The following H3-4 variants were observed in gnomAD, a reference collection of about 807,000 sequenced individuals.
The protein encoded by H3-4 is H3.4 histone, cluster member, also known as histone H3.1t.
In H3-4, 6 loss-of-function variants were observed where a neutral mutation model predicts 3.8. The observed-to-expected ratio is 1.59, with a 90% CI of 0.87 to 3.13. H3-4 has a LOEUF of 3.13. Among genes scored for constraint, H3-4 ranks in the 30% most tolerant of loss-of-function variants. H3-4 has a pLI of 0.00. For missense variants in H3-4, 298 were observed against 202.4 expected (o/e 1.47, Z -2.87); for synonymous variants, 138 against 86.5 (o/e 1.60, Z -3.30).
chr1:228,425,166 G>A lies in H3-4; in HGVS notation c.160C>T (p.Arg54Cys). 2 of 1,613,894 alleles carry A rather than the reference G, an allele frequency of 1.2e-6. No individual in the cohort carries two copies. The highest frequency in any genetic ancestry group is 1.7e-6 in the Non-Finnish European group (2 of 1,179,798). ...AGCAGCTCAGTGGACTTCTGGTAGC[G>A]GCGGATCTCGCGAAGCGCCACCGTG... ...PGTVALREIR[R>C]YQKSTELLIR... The change falls in exon 1 of 1, where the codon CGC (arginine) becomes TGC (cysteine). Residue 54 changes from arginine to cysteine, a missense_variant. Transcript: ENST00000366696.
rs371619267 is a variant in H3-4, at chr1:228,425,020, C to T, written c.306G>A (p.Val102=). The part of the protein sequence containing the change: ...ALQEACESYL[V]GLFEDTNLCV... ...ACAGGTTGGTGTCCTCAAACAGCCCCACCAGGTAAGACTCGCACGCCTCCT... is the reference window on the plus strand; with the variant it reads ...ACAGGTTGGTGTCCTCAAACAGCCCTACCAGGTAAGACTCGCACGCCTCCT... Residue 102 remains valine, a synonymous_variant, in exon 1 of 1, where the codon GTG becomes GTA. Transcript: ENST00000366696. 4 of 1,614,150 alleles carry T rather than the reference C, an allele frequency of 2.5e-6. No individual in the cohort carries two copies. The African/African-American group carries it at 5.3e-5, about 22-fold the overall frequency.
At position 228,425,027 on chromosome 1, in the gene H3-4, T is replaced by A; in HGVS notation, c.299A>T (p.Tyr100Phe). The change falls in exon 1 of 1, where the codon TAC (tyrosine) becomes TTC (phenylalanine). Residue 100 changes from tyrosine (Y) to phenylalanine (F), a missense_variant. Physicochemically the swap from Tyr to Phe is conservative, Grantham distance 22. Transcript: ENST00000366696. ...VMALQEACES[Y>F]LVGLFEDTNL... ...GGTGTCCTCAAACAGCCCCACCAGG[T>A]AAGACTCGCACGCCTCCTGCAGCGC... 6.2e-7 allele frequency: 1 copy of A among 1,614,232 alleles called. No homozygotes were observed. The highest frequency in any genetic ancestry group is 8.5e-7 in the Non-Finnish European group (1 of 1,180,036).
rs759975640 is a variant in H3-4, at chr1:228,425,322, C to A, written c.4G>T (p.Ala2Ser). 3 of 1,613,898 alleles carry A rather than the reference C, an allele frequency of 1.9e-6. No homozygotes were observed. Among genetic ancestry groups the A allele is most frequent in the Admixed American group, 3.3e-5 (2 of 60,014 alleles). Reference sequence around the variant, plus strand: ...TTGCGCGCAGTCTGCTTGGTTCGGGCCATGAATCCGAAACTGTTGGCCCCG... The same window carrying A: ...TTGCGCGCAGTCTGCTTGGTTCGGGACATGAATCCGAAACTGTTGGCCCCG... MARTKQTARKST... is the reference protein window; with the variant it reads MSRTKQTARKST... The change falls in exon 1 of 1, where the codon GCC becomes TCC. Residue 2 changes from alanine (A) to serine (S), a missense_variant. Physicochemically the swap from Ala to Ser is moderately conservative, Grantham distance 99. Transcript: ENST00000366696.
In H3-4 at chr1:228,425,262, C is replaced by T. The variant is rs375264894; in HGVS notation, c.64G>A (p.Ala22Thr). 9 of 1,613,588 alleles carry T rather than the reference C, an allele frequency of 5.6e-6. No homozygotes were observed. The highest frequency in any genetic ancestry group is 5.3e-5 in the African/African-American group (4 of 74,924). ...TGGKAPRKQLATKVARKSAPA... is the reference protein window; with the variant it reads ...TGGKAPRKQLTTKVARKSAPA... ...GCGCTCTTGCGAGCCACCTTGGTGG[C>T]CAGCTGCTTGCGCGGCGCCTTGCCA... The change falls in exon 1 of 1, where the codon GCC becomes ACC. Residue 22 changes from alanine to threonine, a missense_variant. By Grantham distance (58) the Ala-to-Thr change is moderately conservative. Transcript: ENST00000366696.
Position 228,424,890 on chromosome 1 carries a change from C to T in H3-4, c.*25G>A. ...AGCCTTTGGGGTGAACGTTGCGCAA[C>T]CTCTCAGGTGGCGAGATAGCCCTCC... On this transcript the variant is annotated 3_prime_UTR_variant, in exon 1 of 1. Transcript: ENST00000366696. 4 of 1,614,162 alleles carry T rather than the reference C, an allele frequency of 2.5e-6. No individual in the cohort carries two copies. The highest frequency in any genetic ancestry group is 3.4e-6 in the Non-Finnish European group (4 of 1,179,994).
rs139593054 is a variant in H3-4 at position 228,425,260 on chromosome 1, G to A, written c.66C>T (p.Ala22=). 6.4e-5 allele frequency: 103 copies of A among 1,613,658 alleles called. No homozygotes were observed. The highest frequency in any genetic ancestry group is 8.6e-5 in the Non-Finnish European group (101 of 1,179,792). ...GTGCGCTCTTGCGAGCCACCTTGGT[G>A]GCCAGCTGCTTGCGCGGCGCCTTGC... ...TGGKAPRKQL[A]TKVARKSAPA... is the part of the protein sequence containing the mutation. Residue 22 remains alanine, a synonymous_variant, in exon 1 of 1, where the codon GCC becomes GCT. Coordinates refer to ENST00000366696, the MANE Select transcript of H3-4 (RefSeq NM_003493.3).
Position 228,424,943 on chromosome 1 carries a change from G to C in H3-4, c.383C>G (p.Ala128Gly). ...VTIMPKDIQL[A>G]RRIRGERA ...GGCCCGCTCCCCGCGGATACGGCGT[G>C]CCAGCTGGATGTCCTTAGGCATGAT... The change falls in exon 1 of 1, where the codon GCA becomes GGA. Residue 128 changes from alanine to glycine, a missense_variant. By Grantham distance (60) the Ala-to-Gly change is moderately conservative. Coordinates refer to ENST00000366696, the MANE Select transcript of H3-4 (RefSeq NM_003493.3). 1 of 1,614,212 alleles carries C rather than the reference G, an allele frequency of 6.2e-7. No individual in the cohort carries two copies. The highest frequency in any genetic ancestry group is 1.1e-5 in the South Asian group (1 of 91,090).
chr1:228,424,875 G>GT lies in H3-4; in HGVS notation c.*39dup. On this transcript the variant is annotated 3_prime_UTR_variant, in exon 1 of 1. Transcript: ENST00000366696. The stretch of plus-strand genomic sequence containing the variant: ...GGTGGCTCTTAAAAGAGCCTTTGGG[G>GT]TGAACGTTGCGCAACCTCTCAGGTG... The GT allele has an allele frequency of 6.2e-7, 1 of 1,613,400 alleles. No individual in the cohort carries two copies.
chr1:228,425,320 G>T lies in H3-4; in HGVS notation c.6C>A (p.Ala2=). 6.2e-7 allele frequency: 1 copy of T among 1,613,876 alleles called. No homozygotes were observed. Among genetic ancestry groups the T allele is most frequent in the South Asian group, 1.1e-5 (1 of 91,078 alleles). The part of the protein sequence containing the change: M[A]RTKQTARKST... Reference sequence around the variant, plus strand: ...ACTTGCGCGCAGTCTGCTTGGTTCGGGCCATGAATCCGAAACTGTTGGCCC... The same window carrying T: ...ACTTGCGCGCAGTCTGCTTGGTTCGTGCCATGAATCCGAAACTGTTGGCCC... The change falls in exon 1 of 1, where the codon GCC becomes GCA. Residue 2 remains alanine, a synonymous_variant. Coordinates refer to ENST00000366696, the MANE Select transcript of H3-4 (RefSeq NM_003493.3).
chr1:228,425,136 G>A lies in H3-4; in HGVS notation c.190C>T (p.Arg64Cys), dbSNP rs201294185. 255 of 1,614,044 alleles carry A rather than the reference G, an allele frequency of 1.6e-4. No homozygotes were observed. The East Asian group carries it at 4.9e-3, about 31-fold the overall frequency. Residue 64 changes from arginine to cysteine, a missense_variant, in exon 1 of 1, where the codon CGC (arginine) becomes TGC (cysteine). By Grantham distance (180) the Arg-to-Cys change is radical. Coordinates refer to ENST00000366696, the MANE Select transcript of H3-4 (RefSeq NM_003493.3). ...RYQKSTELLI[R>C]KLPFQRLMRE... is the part of the protein sequence containing the mutation. ...ATCAGCCGCTGGAAGGGCAACTTGC[G>A]GATTAGCAGCTCAGTGGACTTCTGG... is the stretch of plus-strand genomic sequence containing the variant.
Position 228,424,977 on chromosome 1 carries a change from GTTTGGCATGGA to G in H3-4, c.338_348del (p.Ile113ThrfsTer7), listed in dbSNP as rs1657416825. 6.2e-7 allele frequency: 1 copy of G among 1,614,192 alleles called. No individual in the cohort carries two copies. On this transcript the variant is annotated frameshift_variant, in exon 1 of 1. Coordinates refer to ENST00000366696, the MANE Select transcript of H3-4 (RefSeq NM_003493.3). LOFTEE classifies it high-confidence loss of function. The stretch of plus-strand genomic sequence containing the variant: ...ATGTCCTTAGGCATGATGGTGACCC[GTTTGGCATGGA>G]TGACACACAGGTTGGTGTCCTCAAA...
Position 228,425,231 on chromosome 1 carries a change from G to C in H3-4, c.95C>G (p.Ala32Gly). ...GTGCGGCTTCTTCACGCCGCCAGTG[G>C]CAGGTGCGCTCTTGCGAGCCACCTT... ...ATKVARKSAPATGGVKKPHRY... is the reference protein window; with the variant it reads ...ATKVARKSAPGTGGVKKPHRY... The change falls in exon 1 of 1, where the codon GCC (alanine) becomes GGC (glycine). Residue 32 changes from alanine to glycine, a missense_variant. Physicochemically the swap from Ala to Gly is moderately conservative, Grantham distance 60 (BLOSUM62 0). Transcript: ENST00000366696. 6.2e-7 allele frequency: 1 copy of C among 1,613,592 alleles called. No individual in the cohort carries two copies. Among genetic ancestry groups the C allele is most frequent in the Non-Finnish European group, 8.5e-7 (1 of 1,179,682 alleles).
chr1:228,425,211 G>C lies in H3-4; in HGVS notation c.115C>G (p.Pro39Ala). The part of the protein sequence containing the change: ...SAPATGGVKK[P>A]HRYRPGTVAL... The stretch of plus-strand genomic sequence containing the variant: ...ACCGTGCCGGGCCGGTAGCGGTGCG[G>C]CTTCTTCACGCCGCCAGTGGCAGGT... The change falls in exon 1 of 1, where the codon CCG (proline) becomes GCG (alanine). Residue 39 changes from proline to alanine, a missense_variant. Physicochemically the swap from Pro to Ala is conservative, Grantham distance 27. Transcript: ENST00000366696. 6.2e-7 allele frequency: 1 copy of C among 1,613,786 alleles called. No individual in the cohort carries two copies. Among genetic ancestry groups the C allele is most frequent in the Non-Finnish European group, 8.5e-7 (1 of 1,179,780 alleles).
chr1:228,425,306 G>C lies in H3-4; in HGVS notation c.20C>G (p.Thr7Ser), dbSNP rs567472251. Reference sequence around the variant, plus strand: ...CTTGCCACCCGTTGACTTGCGCGCAGTCTGCTTGGTTCGGGCCATGAATCC... The same window carrying C: ...CTTGCCACCCGTTGACTTGCGCGCACTCTGCTTGGTTCGGGCCATGAATCC... The part of the protein sequence containing the change: MARTKQ[T>S]ARKSTGGKAP... Residue 7 changes from threonine (T) to serine (S), a missense_variant, in exon 1 of 1, where the codon ACT becomes AGT. Physicochemically the swap from Thr to Ser is moderately conservative, Grantham distance 58. Coordinates refer to ENST00000366696, the MANE Select transcript of H3-4 (RefSeq NM_003493.3). The C allele has an allele frequency of 3.1e-6, 5 of 1,613,936 alleles. No individual in the cohort carries two copies. The South Asian group carries it at 4.4e-5, about 14-fold the overall frequency.
Position 228,425,019 on chromosome 1 carries a change from C to T in H3-4, c.307G>A (p.Gly103Arg). 1 of 1,614,262 alleles carries T rather than the reference C, an allele frequency of 6.2e-7. No homozygotes were observed. The highest frequency in any genetic ancestry group is 8.5e-7 in the Non-Finnish European group (1 of 1,180,054). Residue 103 changes from glycine (G) to arginine (R), a missense_variant, in exon 1 of 1, where the codon GGG becomes AGG. Transcript: ENST00000366696. ...CACAGGTTGGTGTCCTCAAACAGCC[C>T]CACCAGGTAAGACTCGCACGCCTCC... is the stretch of plus-strand genomic sequence containing the variant. The part of the protein sequence containing the change: ...LQEACESYLV[G>R]LFEDTNLCVI...
In H3-4 at chr1:228,425,314, G is replaced by C. The variant is rs768438923; in HGVS notation, c.12C>G (p.Thr4=). The change falls in exon 1 of 1, where the codon ACC becomes ACG. Residue 4 remains threonine (T), a synonymous_variant. Transcript: ENST00000366696. MAR[T]KQTARKSTGG... ...CCGTTGACTTGCGCGCAGTCTGCTT[G>C]GTTCGGGCCATGAATCCGAAACTGT... The C allele has an allele frequency of 1.4e-5, 22 of 1,613,908 alleles. No individual in the cohort carries two copies. The highest frequency in any genetic ancestry group is 2.2e-5 in the East Asian group (1 of 44,866).
At position 228,425,011 on chromosome 1, in the gene H3-4, A is replaced by G. The variant is rs1483772698; in HGVS notation, c.315T>C (p.Phe105=). ...EACESYLVGL[F]EDTNLCVIHA... ...GGATGACACACAGGTTGGTGTCCTC[A>G]AACAGCCCCACCAGGTAAGACTCGC... Residue 105 remains phenylalanine (F), a synonymous_variant, in exon 1 of 1, where the codon TTT becomes TTC. Transcript: ENST00000366696. 1 of 1,614,252 alleles carries G rather than the reference A, an allele frequency of 6.2e-7. No homozygotes were observed. Among genetic ancestry groups the G allele is most frequent in the South Asian group, 1.1e-5 (1 of 91,090 alleles).
chr1:228,424,972 G>C lies in H3-4; in HGVS notation c.354C>G (p.Val118=). 1 of 1,614,198 alleles carries C rather than the reference G, an allele frequency of 6.2e-7. No homozygotes were observed. Among genetic ancestry groups the C allele is most frequent in the South Asian group, 1.1e-5 (1 of 91,088 alleles). ...TNLCVIHAKR[V]TIMPKDIQLA... is the part of the protein sequence containing the mutation. ...GCTGGATGTCCTTAGGCATGATGGTGACCCGTTTGGCATGGATGACACACA... is the reference window on the plus strand; with the variant it reads ...GCTGGATGTCCTTAGGCATGATGGTCACCCGTTTGGCATGGATGACACACA... The change falls in exon 1 of 1, where the codon GTC becomes GTG. Residue 118 remains valine (V), a synonymous_variant. Coordinates refer to ENST00000366696, the MANE Select transcript of H3-4 (RefSeq NM_003493.3).
In H3-4 at chr1:228,425,202, AG is replaced by A. The variant is rs751613300; in HGVS notation, c.123del (p.Tyr42ThrfsTer21). The A allele has an allele frequency of 1.9e-6, 3 of 1,613,838 alleles. No individual in the cohort carries two copies. The highest frequency in any genetic ancestry group is 2.5e-6 in the Non-Finnish European group (3 of 1,179,882). Reference protein sequence around the residue: ...PATGGVKKPHRYRPGTVALRE... With the variant: ...PATGGVKKPHXYRPGTVALRE... ...CGAAGCGCCACCGTGCCGGGCCGGT[AG>A]CGGTGCGGCTTCTTCACGCCGCCAG... On this transcript the variant is annotated frameshift_variant, in exon 1 of 1. Transcript: ENST00000366696. LOFTEE classifies it high-confidence loss of function.
Sources: allele counts gnomAD v4.1 joint callset, GRCh38; gene constraint gnomAD v4.1.1; transcripts MANE v1.5; gene names NCBI Gene and HGNC (gene_info 2026-07-23, HGNC 2026-07-21).